The following PRDM5 variants were observed in gnomAD, a reference collection of about 807,000 sequenced individuals.
PRDM5 encodes the protein PR/SET domain 5, also known as PR domain zinc finger protein 5.
PRDM5 carries 56 observed loss-of-function variants against 81.2 expected under a neutral mutation model. The observed-to-expected ratio is 0.69, with a 90% CI of 0.56 to 0.86. The LOEUF is 0.86. PRDM5 is among the 40% of genes least tolerant of loss of function. The pLI is 0.00. For missense variants in PRDM5, 697 were observed against 770.1 expected (o/e 0.91, Z 1.12); for synonymous variants, 267 against 256.4 (o/e 1.04, Z -0.39).
intron 1 of PRDM5, among the ~76,000 whole-genome samples, chr4:120,908,458 A>G (rs1766094161): frequency 6.6e-6 from 1 of 152,264 alleles, no homozygotes; most frequent in African/African-American, 2.4e-5. Context: ...TTTGATGAAC[A>G]TTGTAAGGAG....
chr4:120,772,402 T>C (rs1170852457), intron 13 of PRDM5, among the ~76,000 whole-genome samples: 1 of 152,172 alleles, frequency 6.6e-6, no homozygotes, highest in Non-Finnish European at 1.5e-5. Context: ...GTCATAAACA[T>C]AATATCAGCC....
At chr4:120,880,465 C>A (rs1435720803) in intron 2 of PRDM5, among the ~76,000 whole-genome samples, 2 of 151,992 alleles carry the variant, frequency 1.3e-5, no homozygotes, top group African/African-American at 4.8e-5. Flanking sequence ...GGGAAATATA[C>A]AAAATTAATC....
intron 15 of PRDM5, among the ~76,000 whole-genome samples, chr4:120,701,033 G>A (rs2148999292): frequency 6.6e-6 from 1 of 152,228 alleles, no homozygotes. Context: ...GCTGAGACAG[G>A]AGAATTGCTT....
intron 3 of PRDM5, among the ~76,000 whole-genome samples, chr4:120,851,683 G>A (rs1164616065): frequency 6.6e-6 from 1 of 152,102 alleles, no homozygotes; most frequent in Non-Finnish European, 1.5e-5. Context: ...AAATTGTTTA[G>A]ATGACATTAG....
chr4:120,814,304 G>A (rs925062940), intron 7 of PRDM5, among the ~76,000 whole-genome samples: 1 of 152,142 alleles, frequency 6.6e-6, no homozygotes, highest in Non-Finnish European at 1.5e-5. Flanking sequence ...ATAACTAGAT[G>A]TTATACTGTC....
intron 14 of PRDM5, among the ~76,000 whole-genome samples, chr4:120,752,701 A>T (rs1375923831): frequency 6.6e-6 from 1 of 152,170 alleles, no homozygotes; most frequent in Non-Finnish European, 1.5e-5. Context: ...AATAGGCAAA[A>T]AAATGCAAAT....
At chr4:120,819,906 T>C (rs570068051) in intron 4 of PRDM5, among the ~76,000 whole-genome samples, 1 of 152,206 alleles carries the variant, frequency 6.6e-6, no homozygotes, top group Non-Finnish European at 1.5e-5. Flanking sequence ...AAGCTGGCAA[T>C]GGTGACAGAA....
At chr4:120,872,869 T>C (rs999241589) in intron 2 of PRDM5, among the ~76,000 whole-genome samples, 2 of 152,186 alleles carry the variant, frequency 1.3e-5, no homozygotes, top group Non-Finnish European at 2.9e-5. Flanking sequence ...GAGTTTCCGA[T>C]CTGCAAGATA....
intron 15 of PRDM5, among the ~76,000 whole-genome samples, chr4:120,704,578 C>T (rs35445561): frequency 0.22 from 33,169 of 152,182 alleles, 3,889 homozygotes; most frequent in Non-Finnish European, 0.28. Context: ...TTAACACATA[C>T]TTATCACATA....
At chr4:120,919,433 A>T (rs553735632) in intron 1 of PRDM5, among the ~76,000 whole-genome samples, 2 of 152,374 alleles carry the variant, frequency 1.3e-5, no homozygotes, top group South Asian at 4.1e-4. Context: ...AGGGAAAGAA[A>T]GCTGAGAGCA....
At chr4:120,847,927 C>T (rs1218990378) in intron 3 of PRDM5, among the ~76,000 whole-genome samples, 2 of 152,150 alleles carry the variant, frequency 1.3e-5, no homozygotes, top group Non-Finnish European at 2.9e-5. Flanking sequence ...GGACGAGAGG[C>T]ACAGAAAGTC....
intron 2 of PRDM5, among the ~76,000 whole-genome samples, chr4:120,901,892 C>T (rs1579181582): frequency 6.6e-6 from 1 of 152,306 alleles, no homozygotes; most frequent in East Asian, 1.9e-4. Flanking sequence ...ACACCCACTG[C>T]ATCCACAGAA....
At chr4:120,839,898 G>A (rs899761484) in intron 3 of PRDM5, among the ~76,000 whole-genome samples, 1 of 152,208 alleles carries the variant, frequency 6.6e-6, no homozygotes, top group African/African-American at 2.4e-5. Flanking sequence ...AGCTGAGGCA[G>A]CAGGCAGCTG....
chr4:120,891,929 T>C lies in PRDM5; in HGVS notation c.177+15545A>G, dbSNP rs568510394. 5.3e-5 allele frequency among the ~76,000 whole-genome samples: 8 copies of C among 152,336 alleles called. No homozygotes were observed. In the East Asian group the frequency reaches 1.3e-3, roughly 26 times the overall value. On this transcript the variant is annotated intron_variant, in intron 2 of 15. Coordinates refer to ENST00000264808, the MANE Select transcript of PRDM5 (RefSeq NM_018699.4). Reference sequence around the variant, plus strand: ...ACAGGCATGAGCCACTTTCTAACTTTTTTATTTGAATGTTTAGCACCATAA... The same window carrying C: ...ACAGGCATGAGCCACTTTCTAACTTCTTTATTTGAATGTTTAGCACCATAA...
At chr4:120,831,392 C>T (rs1756694668) in intron 3 of PRDM5, among the ~76,000 whole-genome samples, 3 of 152,048 alleles carry the variant, frequency 2.0e-5, no homozygotes, top group Admixed American at 6.6e-5. Flanking sequence ...TACCACCTAA[C>T]TGTCAGGCAT....
At chr4:120,798,039 A>G (rs1222696790) in intron 10 of PRDM5, among the ~76,000 whole-genome samples, 1 of 152,180 alleles carries the variant, frequency 6.6e-6, no homozygotes, top group African/African-American at 2.4e-5. Flanking sequence ...AAATTAATCT[A>G]ATAGCGGTGT....
At chr4:120,838,625 C>A (rs79047671) in intron 3 of PRDM5, 1 of 152,236 alleles carries the variant, frequency 6.6e-6, no homozygotes, top group Non-Finnish European at 1.5e-5. Context: ...CTCAGATCAC[C>A]AGGCATTAGC....
intron 1 of PRDM5, among the ~76,000 whole-genome samples, chr4:120,907,913 G>C (rs1766018485): frequency 6.6e-6 from 1 of 152,200 alleles, no homozygotes; most frequent in Non-Finnish European, 1.5e-5. Flanking sequence ...TGAGAGACAA[G>C]CCCACCAGGC....
intron 14 of PRDM5, among the ~76,000 whole-genome samples, chr4:120,719,702 T>G (rs564258621): frequency 1.3e-5 from 2 of 152,202 alleles, no homozygotes; most frequent in East Asian, 3.9e-4. Context: ...AGTGAGGAAG[T>G]TATAAATGGA....
Sources: allele counts gnomAD v4.1 joint callset (sites outside exome capture counted in the v4.1 genomes callset), GRCh38; gene constraint gnomAD v4.1.1; transcripts MANE v1.5; gene names NCBI Gene and HGNC (gene_info 2026-07-23, HGNC 2026-07-21).